ABCC9: variants seen among roughly 807,000 people sequenced by gnomAD.
The protein encoded by ABCC9 is ATP-binding cassette sub-family C member 9.
Under a neutral mutation model 188.3 loss-of-function variants are expected in ABCC9, and 95 were observed. The ratio of observed to expected loss-of-function variants is 0.50; its 90% CI spans 0.43 to 0.60. ABCC9 has a LOEUF of 0.60. Among genes scored for constraint, ABCC9 ranks in the 20% least tolerant of loss-of-function variants. ABCC9 has a pLI of 0.00. For missense variants in ABCC9, 1,102 were observed against 1,876.3 expected, an observed-to-expected ratio of 0.59 and a Z score of 7.62; for synonymous variants, 659 against 652.7, an observed-to-expected ratio of 1.01 and a Z score of -0.15.
intron 7 of ABCC9, among the ~76,000 whole-genome samples, chr12:21,913,320 C>T (rs984601759): frequency 2.8e-4 from 43 of 152,184 alleles, no homozygotes; most frequent in Admixed American, 2.4e-3. Context: ...TTTTCTAAGA[C>T]TCTGTATTAT....
intron 19 of ABCC9, 114 bp downstream of exon 19, chr12:21,864,325 C>T: frequency 1.2e-6 from 1 of 816,574 alleles, no homozygotes; most frequent in Non-Finnish European, 2.0e-6. Context: ...AATATGCTAG[C>T]ACACTTTAAT....
intron 22 of ABCC9, 62 bp downstream of exon 22, chr12:21,859,524 A>G: frequency 1.3e-6 from 2 of 1,512,742 alleles, no homozygotes; most frequent in Non-Finnish European, 1.8e-6. Context: ...ACACCTTTTT[A>G]AAGACTCATT....
At chr12:21,819,577 A>C (rs1388270353) in intron 31 of ABCC9, among the ~76,000 whole-genome samples, 1 of 152,200 alleles carries the variant, frequency 6.6e-6, no homozygotes, top group Non-Finnish European at 1.5e-5. Flanking sequence ...ACCCTCTGAG[A>C]CTCAATTTCT....
chr12:21,934,599 A>G (rs1277687443), intron 3 of ABCC9, among the ~76,000 whole-genome samples: 1 of 152,056 alleles, frequency 6.6e-6, no homozygotes, highest in Admixed American at 6.6e-5. Context: ...CTAAAGTACT[A>G]TACAGTTTAG....
At chr12:21,843,072 T>C (rs1257175708) in intron 28 of ABCC9, among the ~76,000 whole-genome samples, 1 of 152,188 alleles carries the variant, frequency 6.6e-6, no homozygotes, top group Non-Finnish European at 1.5e-5. Flanking sequence ...TAGTCATTTC[T>C]GTTGACTTGT....
chr12:21,810,839 A>G (rs1437078960), intron 36 of ABCC9, among the ~76,000 whole-genome samples: 2 of 152,210 alleles, frequency 1.3e-5, no homozygotes, highest in African/African-American at 4.8e-5. Flanking sequence ...TAGTTTTACA[A>G]CTAAATACTA....
chr12:21,862,841 G>T, intron 20 of ABCC9, 112 bp downstream of exon 20: 1 of 737,340 alleles, frequency 1.4e-6, no homozygotes, highest in Non-Finnish European at 2.4e-6. Flanking sequence ...AACGGGGCCA[G>T]CAGGAAAGAA....
chr12:21,824,000 A>G (rs1394581326), intron 31 of ABCC9, among the ~76,000 whole-genome samples: 1 of 152,234 alleles, frequency 6.6e-6, no homozygotes, highest in Non-Finnish European at 1.5e-5. Context: ...AATGAATATG[A>G]TATGAATATG....
chr12:21,804,459 T>G (rs185604662), intron 39 of ABCC9, among the ~76,000 whole-genome samples: 1 of 152,314 alleles, frequency 6.6e-6, no homozygotes, highest in East Asian at 1.9e-4. Flanking sequence ...AATATCTCCC[T>G]ACCTTTTCCA....
chr12:21,806,184 A>C, intron 38 of ABCC9, 124 bp from the exon 39 acceptor site: 1 of 852,948 alleles, frequency 1.2e-6, no homozygotes, highest in Non-Finnish European at 1.9e-6. Flanking sequence ...TTTTCTGTGG[A>C]AGTCATAAGA....
intron 34 of ABCC9, among the ~76,000 whole-genome samples, chr12:21,815,232 G>T (rs1253048886): frequency 6.7e-6 from 1 of 149,170 alleles, no homozygotes; most frequent in Admixed American, 6.7e-5. Flanking sequence ...AATCTTCAAT[G>T]ATTTCATTCT....
intron 22 of ABCC9, among the ~76,000 whole-genome samples, chr12:21,856,167 T>G (rs913800167): frequency 3.3e-5 from 5 of 152,176 alleles, no homozygotes; most frequent in Non-Finnish European, 7.4e-5. Flanking sequence ...TGATTTTTTT[T>G]GTCAAATATA....
At chr12:21,859,715 A>G (rs750397064) in intron 21 of ABCC9, 49 bp from the exon 22 acceptor site, 22 of 1,483,660 alleles carry the variant, frequency 1.5e-5, no homozygotes, top group Non-Finnish European at 1.8e-5. Context: ...TTAGTAAATG[A>G]TCTTTTGGTA....
At chr12:21,806,420 A>G (rs543870880) in intron 38 of ABCC9, among the ~76,000 whole-genome samples, 378 of 152,318 alleles carry the variant, frequency 2.5e-3, no homozygotes, top group African/African-American at 8.5e-3. Flanking sequence ...CCTTTGAGTC[A>G]AAAAAGGGAA....
intron 16 of ABCC9, among the ~76,000 whole-genome samples, chr12:21,881,396 A>G (rs868237736): frequency 6.6e-6 from 1 of 152,248 alleles, no homozygotes; most frequent in African/African-American, 2.4e-5. Context: ...AGTCAAAGCC[A>G]TTGATAAGCA....
intron 22 of ABCC9, among the ~76,000 whole-genome samples, chr12:21,853,654 A>C (rs1945080744): frequency 6.6e-6 from 1 of 152,192 alleles, no homozygotes; most frequent in South Asian, 2.1e-4. Flanking sequence ...CTAAAATGTT[A>C]TATAGAGCAT....
intron 9 of ABCC9, 101 bp from the exon 10 acceptor site, chr12:21,910,413 GA>G (rs1459787813): frequency 1.6e-6 from 2 of 1,213,410 alleles, no homozygotes; most frequent in Non-Finnish European, 2.3e-6. Context: ...ATTTTTTTGA[GA>G]AAAAAGAAAA....
Position 21,859,637 on chromosome 12 carries a change from C to T in ABCC9, c.2454G>A (p.Gln818=), listed in dbSNP as rs1945404296. The change falls in exon 22 of 40, where the codon CAG becomes CAA. Residue 818 remains glutamine (Q), a synonymous_variant. Transcript: ENST00000261200. The stretch of plus-strand genomic sequence containing the variant: ...ACAGCGCTCGTGCCACACAGATTCT[C>T]TGCCTCTGTCCCCCACTCAGGTTGA... The part of the protein sequence containing the change: ...RGINLSGGQR[Q]RICVARALYQ... The T allele has an allele frequency of 6.2e-6, 10 of 1,613,948 alleles. No individual in the cohort carries two copies. The highest frequency in any genetic ancestry group is 8.5e-6 in the Non-Finnish European group (10 of 1,179,868).
rs1000791173 is a variant in ABCC9 at position 21,824,033 on chromosome 12, T to C, written c.3669+4925A>G. Among the ~76,000 whole-genome samples, 7 of 152,222 alleles carry C rather than the reference T, an allele frequency of 4.6e-5. No homozygotes were observed. The South Asian group carries it at 6.2e-4, about 14-fold the overall frequency. On this transcript the variant is annotated intron_variant, in intron 31 of 39. Coordinates refer to ENST00000261200, the MANE Select transcript of ABCC9 (RefSeq NM_020297.4). ...ATGGTGGGCAAGGCTAGATCTTCCA[T>C]AGGGAAAACTATCTGTGTAGACAAA... is the stretch of plus-strand genomic sequence containing the variant.
Sources: gnomAD v4.1 joint callset for allele counts (sites outside exome capture counted in the v4.1 genomes callset) on GRCh38, gnomAD v4.1.1 for gene constraint, MANE v1.5 for transcripts, NCBI Gene and HGNC (gene_info 2026-07-23, HGNC 2026-07-21) for gene names.